The following PCDHA4 variants were observed in gnomAD, a reference collection of about 807,000 sequenced individuals.
The protein encoded by PCDHA4 is protocadherin alpha-4.
Under a neutral mutation model 61.4 loss-of-function variants are expected in PCDHA4, and 49 were observed. That is an observed-to-expected ratio of 0.80 (90% CI 0.63 to 1.01). PCDHA4 has a LOEUF of 1.01. PCDHA4 is among the 50% of genes least tolerant of loss of function. PCDHA4 has a pLI of 0.00. For missense variants in PCDHA4, 1,254 were observed against 1,235.8 expected, an observed-to-expected ratio of 1.01 and a Z score of -0.22; for synonymous variants, 590 against 550.3, an observed-to-expected ratio of 1.07 and a Z score of -1.01.
chr5:140,876,787 G>A, intron 1 of PCDHA4: 1 of 1,614,228 alleles, frequency 6.2e-7, no homozygotes, highest in Non-Finnish European at 8.5e-7. Context: ...GTGGGCCACG[G>A]CTAGAGTGTC....
intron 1 of PCDHA4, chr5:140,862,283 C>T (rs565843609): frequency 1.5e-5 from 4 of 263,874 alleles, no homozygotes; most frequent in African/African-American, 8.7e-5. Flanking sequence ...ATTCCCTGTA[C>T]AGGAGGACGC....
intron 1 of PCDHA4, chr5:140,871,278 G>A: frequency 6.2e-7 from 1 of 1,613,918 alleles, no homozygotes; most frequent in African/African-American, 1.3e-5. Context: ...GGTCGGCAAC[G>A]CCCACTGAGG....
chr5:140,972,820 C>A (rs1247488574), intron 1 of PCDHA4, among the ~76,000 whole-genome samples: 3 of 151,964 alleles, frequency 2.0e-5, no homozygotes, highest in Admixed American at 6.6e-5. Context: ...CGCGCCACCA[C>A]GCCTGGCTAA....
Position 140,819,440 on chromosome 5 carries a change from A to T in PCDHA4, c.2385+9868A>T, listed in dbSNP as rs2150104252. On this transcript the variant is annotated intron_variant, in intron 1 of 3. Coordinates refer to ENST00000530339, the MANE Select transcript of PCDHA4 (RefSeq NM_018907.4). The stretch of plus-strand genomic sequence containing the variant: ...ATATACTACACAGTTTTAAATCTAA[A>T]TTTTTTTCTCAAGGAAGAACTTCTG... 7.2e-5 allele frequency among the ~76,000 whole-genome samples: 11 copies of T among 152,254 alleles called. No homozygotes were observed. The South Asian group carries it at 2.1e-3, about 29-fold the overall frequency.
At chr5:140,852,732 A>G (rs2042454290) in intron 1 of PCDHA4, 4 of 983,854 alleles carry the variant, frequency 4.1e-6, no homozygotes, top group Non-Finnish European at 3.7e-6. Flanking sequence ...TTCAAGTTTC[A>G]TGTGCCATTT....
At chr5:140,875,538 A>C in intron 1 of PCDHA4, 17 of 1,614,126 alleles carry the variant, frequency 1.1e-5, no homozygotes, top group Non-Finnish European at 1.4e-5. Context: ...TGCTCCTTGC[A>C]GCCTGGGAGG....
At chr5:140,880,663 G>A (rs1324939406) in intron 1 of PCDHA4, among the ~76,000 whole-genome samples, 1 of 152,210 alleles carries the variant, frequency 6.6e-6, no homozygotes, top group African/African-American at 2.4e-5. Flanking sequence ...AGGTAAAGGT[G>A]AGAGTAAATT....
At chr5:140,843,816 A>T in intron 1 of PCDHA4, 1 of 1,230,332 alleles carries the variant, frequency 8.1e-7, no homozygotes, top group Non-Finnish European at 1.1e-6. Context: ...TTTATAGTGA[A>T]AATTTAAACA....
At chr5:140,849,357 G>A in intron 1 of PCDHA4, 1 of 1,458,086 alleles carries the variant, frequency 6.9e-7, no homozygotes, top group Non-Finnish European at 9.4e-7. Flanking sequence ...TGTTTCTCCA[G>A]ATATAAAATC....
intron 1 of PCDHA4, among the ~76,000 whole-genome samples, chr5:140,925,081 GA>G (rs2082282278): frequency 1.4e-5 from 2 of 146,052 alleles, no homozygotes; most frequent in African/African-American, 2.7e-5. Flanking sequence ...CGCTCATCTG[GA>G]AAGGAAGGAA....
At chr5:140,881,507 C>A in intron 1 of PCDHA4, 1 of 231,112 alleles carries the variant, frequency 4.3e-6, no homozygotes, top group Non-Finnish European at 7.1e-6. Context: ...CACACACTCA[C>A]ATACAAAATC....
rs2150422300 is a variant in PCDHA4, at chr5:140,848,837, G to T, written c.2385+39265G>T. On this transcript the variant is annotated intron_variant, in intron 1 of 3. Coordinates refer to ENST00000530339, the MANE Select transcript of PCDHA4 (RefSeq NM_018907.4). The stretch of plus-strand genomic sequence containing the variant: ...TGGAGGTGATCGTAGACAGGCCGCT[G>T]CAGGTTTTCCATGTGGACGTGGAGG... 11 of 1,590,342 alleles carry T rather than the reference G, an allele frequency of 6.9e-6. 1 individual carries two copies. Among genetic ancestry groups the T allele is most frequent in the Non-Finnish European group, 9.5e-6 (11 of 1,162,060 alleles).
At chr5:140,825,903 A>G (rs1486709697) in intron 1 of PCDHA4, 1 of 152,468 alleles carries the variant, frequency 6.6e-6, no homozygotes, top group Non-Finnish European at 1.5e-5. Flanking sequence ...TGTATGTTTG[A>G]GACTACGCTA....
Position 140,835,521 on chromosome 5 carries a change from G to A in PCDHA4, c.2385+25949G>A, listed in dbSNP as rs2150237469. The A allele has an allele frequency of 6.2e-6, 10 of 1,613,816 alleles. No homozygotes were observed. In the Admixed American group the frequency reaches 1.7e-4, roughly 27 times the overall value. On this transcript the variant is annotated intron_variant, in intron 1 of 3. Coordinates refer to ENST00000530339, the MANE Select transcript of PCDHA4 (RefSeq NM_018907.4). ...GATTAGCGTGTTTGACCGAGATTTT[G>A]GAGTCAACGGACAGGTTACCTGCTC...
intron 1 of PCDHA4, chr5:140,842,220 G>A: frequency 1.2e-6 from 2 of 1,613,146 alleles, no homozygotes; most frequent in Non-Finnish European, 1.7e-6. Flanking sequence ...CGAAATACGG[G>A]AGAAATAGTG....
intron 1 of PCDHA4, chr5:140,871,269 G>C (rs782046462): frequency 5.0e-6 from 8 of 1,613,822 alleles, no homozygotes; most frequent in Admixed American, 1.7e-5. Flanking sequence ...CGCTGTGGTG[G>C]TCGGCAACGC....
chr5:140,844,707 T>C lies in PCDHA4; in HGVS notation c.2385+35135T>C, dbSNP rs2150373340. Among the ~76,000 whole-genome samples, 21 of 149,764 alleles carry C rather than the reference T, an allele frequency of 1.4e-4. 3 individuals carry two copies. The highest frequency in any genetic ancestry group is 3.0e-4 in the Non-Finnish European group (20 of 66,878). ...TTATACAGAATATTTGGGATTATCA[T>C]GGCCCATTAGTTCGTGTAAAAATAT... On this transcript the variant is annotated intron_variant, in intron 1 of 3. Transcript: ENST00000530339.
intron 1 of PCDHA4, chr5:140,875,828 T>C: frequency 6.2e-7 from 1 of 1,614,196 alleles, no homozygotes; most frequent in African/African-American, 1.3e-5. Flanking sequence ...GTTTTCCATG[T>C]GGACGTGGAG....
intron 1 of PCDHA4, chr5:140,858,194 T>C: frequency 1.9e-6 from 3 of 1,596,986 alleles, no homozygotes; most frequent in Non-Finnish European, 1.7e-6. Context: ...GCTGCTGCTG[T>C]ACACTGCACT....
Sources: gnomAD v4.1 joint callset for allele counts (sites outside exome capture counted in the v4.1 genomes callset) on GRCh38, gnomAD v4.1.1 for gene constraint, MANE v1.5 for transcripts, NCBI Gene and HGNC (gene_info 2026-07-23, HGNC 2026-07-21) for gene names.